Variants in NFIB observed in about 807,000 individuals in gnomAD.
The protein encoded by NFIB is nuclear factor I B.
In NFIB, 11 loss-of-function variants were observed where a neutral mutation model predicts 61.5. The ratio of observed to expected loss-of-function variants is 0.18; its 90% CI spans 0.11 to 0.30. The LOEUF is 0.30. Ranked by LOEUF, NFIB falls within the 10% of genes least tolerant of loss-of-function variation. NFIB has a pLI of 1.00. For missense variants in NFIB, 471 were observed against 608.9 expected (o/e 0.77, Z 2.38); for synonymous variants, 260 against 216.5 (o/e 1.20, Z -1.76).
chr9:14,301,465 A>G (rs2059747455), intron 2 of NFIB, among the ~76,000 whole-genome samples: 1 of 152,196 alleles, frequency 6.6e-6, no homozygotes, highest in Admixed American at 6.5e-5. Flanking sequence ...TAATGCTGTC[A>G]GTAGAATATT....
the NFIB span, among the ~76,000 whole-genome samples, chr9:14,459,940 C>G: frequency 6.6e-6 from 1 of 152,068 alleles, no homozygotes; most frequent in African/African-American, 2.4e-5. Context: ...CTAGTTCAAC[C>G]ATTGTGGAAG....
Position 14,398,556 on chromosome 9 carries a change from T to C in NFIB, c.76A>G (p.Lys26Glu), listed in dbSNP as rs1249976436. 6.5e-6 allele frequency: 10 copies of C among 1,535,352 alleles called. No homozygotes were observed. In the East Asian group the frequency reaches 2.4e-4, roughly 38 times the overall value. The change falls in exon 1 of 9, where the codon AAA (lysine) becomes GAA (glutamate). Residue 26 changes from lysine to glutamate, a missense_variant. Coordinates refer to the NFIB transcript ENST00000380934. ...CCAAAGCACAGAGTTGACATTCTTT[T>C]AGGAATCCCAGGGTTACATTTCAGA...
In NFIB at chr9:14,209,342, G is replaced by A. The variant is rs184804774; in HGVS notation, c.563-29562C>T. On this transcript the variant is annotated intron_variant, in intron 2 of 10. Transcript: ENST00000380953. ...ACAATCGATAAGCAAATGCAATGAC[G>A]GGCACTGACAAAGACTCAACATTTA... Among the ~76,000 whole-genome samples the A allele has an allele frequency of 5.1e-3, 773 of 152,256 alleles. 11 individuals are homozygous for A. Among genetic ancestry groups the A allele is most frequent in the South Asian group, 0.013 (63 of 4,820 alleles).
the NFIB span, among the ~76,000 whole-genome samples, chr9:14,522,686 T>A: frequency 2.0e-5 from 3 of 152,232 alleles, no homozygotes; most frequent in African/African-American, 7.2e-5. Context: ...GCATATATGA[T>A]GTTACTTTGA....
chr9:14,516,422 C>G, the NFIB span, among the ~76,000 whole-genome samples: 1 of 152,006 alleles, frequency 6.6e-6, no homozygotes. Context: ...AGGCACTGAC[C>G]GATAACTTGT....
intron 1 of NFIB, among the ~76,000 whole-genome samples, chr9:14,382,995 G>T (rs2061506174): frequency 6.6e-6 from 1 of 152,170 alleles, no homozygotes; most frequent in Non-Finnish European, 1.5e-5. Flanking sequence ...TTGGAGAGAA[G>T]TAGCTAACTA....
chr9:14,301,151 C>CT (rs2059727671), intron 2 of NFIB, among the ~76,000 whole-genome samples: 1 of 152,192 alleles, frequency 6.6e-6, no homozygotes, highest in Admixed American at 6.5e-5. Flanking sequence ...TAGATGGCCT[C>CT]TCTCAATGGC....
chr9:14,266,539 G>T (rs1208377324), intron 2 of NFIB, among the ~76,000 whole-genome samples: 1 of 151,970 alleles, frequency 6.6e-6, no homozygotes, highest in Non-Finnish European at 1.5e-5. Context: ...AGGCTGCAAG[G>T]AGCCACGGTC....
At chr9:14,287,019 C>G (rs2058749868) in intron 2 of NFIB, among the ~76,000 whole-genome samples, 1 of 152,160 alleles carries the variant, frequency 6.6e-6, no homozygotes, top group East Asian at 1.9e-4. Flanking sequence ...CTTTCATTCA[C>G]TTTTTATTTG....
intron 1 of NFIB, chr9:14,308,151 C>T (rs1165634652): frequency 2.0e-5 from 3 of 152,182 alleles, no homozygotes; most frequent in East Asian, 1.9e-4. Flanking sequence ...TCTTATCAAA[C>T]GTCCAACATT....
chr9:14,459,414 C>G, the NFIB span, among the ~76,000 whole-genome samples: 1 of 152,112 alleles, frequency 6.6e-6, no homozygotes, highest in African/African-American at 2.4e-5. Context: ...CATAAAAACC[C>G]TAGAAGAAAA....
chr9:14,093,423 G>A (rs1197436193), intron 10 of NFIB: 1 of 151,706 alleles, frequency 6.6e-6, no homozygotes, highest in Non-Finnish European at 1.5e-5. Context: ...AATATTACAG[G>A]AAAAAAGCAC....
At chr9:14,428,089 G>A in the NFIB span, among the ~76,000 whole-genome samples, 6 of 151,114 alleles carry the variant, frequency 4.0e-5, no homozygotes, top group Non-Finnish European at 8.9e-5. Flanking sequence ...GGGACTACAG[G>A]CATATGCCAC....
chr9:14,507,766 G>C, the NFIB span, among the ~76,000 whole-genome samples: 3 of 152,168 alleles, frequency 2.0e-5, no homozygotes, highest in Non-Finnish European at 4.4e-5. Context: ...CTCACTCTTT[G>C]ATTGGAGGTC....
chr9:14,304,458 A>G (rs1408297531), intron 2 of NFIB, among the ~76,000 whole-genome samples: 2 of 152,344 alleles, frequency 1.3e-5, no homozygotes, highest in East Asian at 1.9e-4. Context: ...GCGGATGCCA[A>G]CTAACAAATC....
chr9:14,296,398 T>C (rs990227034), intron 2 of NFIB, among the ~76,000 whole-genome samples: 1 of 152,252 alleles, frequency 6.6e-6, no homozygotes, highest in Non-Finnish European at 1.5e-5. Flanking sequence ...GAGCCAAGAC[T>C]AGAACCCCAA....
At chr9:14,162,221 A>T (rs1054977137) in intron 3 of NFIB, among the ~76,000 whole-genome samples, 2 of 151,766 alleles carry the variant, frequency 1.3e-5, no homozygotes, top group African/African-American at 4.9e-5. Context: ...TTTCACAATG[A>T]AAATGTTGGC....
the NFIB span, among the ~76,000 whole-genome samples, chr9:14,497,757 T>A: frequency 1.3e-5 from 2 of 152,326 alleles, no homozygotes; most frequent in African/African-American, 2.4e-5. Flanking sequence ...AGGTGGGTAT[T>A]TGATCCAGGC....
At chr9:14,091,276 C>T (rs933320791) in intron 10 of NFIB, among the ~76,000 whole-genome samples, 2 of 151,408 alleles carry the variant, frequency 1.3e-5, no homozygotes, top group Non-Finnish European at 2.9e-5. Context: ...CTTGATAAAA[C>T]TAATTCAATG....
Sources: gnomAD v4.1 joint callset for allele counts (sites outside exome capture counted in the v4.1 genomes callset) on GRCh38, gnomAD v4.1.1 for gene constraint, MANE v1.5 for transcripts, NCBI Gene and HGNC (gene_info 2026-07-23, HGNC 2026-07-21) for gene names.